The following CNTN4 variants were observed in gnomAD, a reference collection of about 807,000 sequenced individuals.
CNTN4 encodes contactin-4.
CNTN4 carries 77 observed loss-of-function variants against 122.5 expected under a neutral mutation model. That is an observed-to-expected ratio of 0.63 (90% CI 0.52 to 0.76). The LOEUF (loss-of-function observed/expected upper bound fraction) is 0.76, where lower values mean the gene tolerates loss of function less well. Ranked by LOEUF, CNTN4 falls within the 30% of genes least tolerant of loss-of-function variation. CNTN4 has a pLI of 0.00. For synonymous variants in CNTN4, 512 were observed against 447.0 expected, an observed-to-expected ratio of 1.15 and a Z score of -1.83; for missense variants, 1,256 against 1,259.1, an observed-to-expected ratio of 1.00 and a Z score of 0.04.
intron 10 of CNTN4, among the ~76,000 whole-genome samples, chr3:2,892,769 G>A (rs939570619): frequency 6.6e-6 from 1 of 152,176 alleles, no homozygotes; most frequent in Non-Finnish European, 1.5e-5. Flanking sequence ...TCTAATATTT[G>A]AGCAGTAAAC....
chr3:3,037,328 C>A lies in CNTN4; in HGVS notation c.2092C>A (p.Leu698Ile). ...AGAGAAACGGAGAACAGAAGAAGCT[C>A]GTGAGTAGCACCCGAGATTCAGATC... ...PSEKRRTEEA[L>I]PEVTPANVSG... is the part of the protein sequence containing the mutation. Residue 698 changes from leucine (L) to isoleucine (I), a missense_variant and splice_region_variant, in exon 18 of 25, where the codon CTC becomes ATC. Coordinates refer to ENST00000418658, the MANE Select transcript of CNTN4 (RefSeq NM_175607.3). The A allele has an allele frequency of 6.2e-7, 1 of 1,614,090 alleles. No homozygotes were observed. Among genetic ancestry groups the A allele is most frequent in the Non-Finnish European group, 8.5e-7 (1 of 1,179,998 alleles).
At chr3:2,786,405 C>A (rs1427875827) in intron 6 of CNTN4, among the ~76,000 whole-genome samples, 1 of 152,218 alleles carries the variant, frequency 6.6e-6, no homozygotes, top group African/African-American at 2.4e-5. Context: ...TTGCTCCTGC[C>A]AGTTGCCCAG....
intron 2 of CNTN4, among the ~76,000 whole-genome samples, chr3:2,121,258 G>T (rs1172499507): frequency 1.3e-5 from 2 of 152,182 alleles, no homozygotes; most frequent in Non-Finnish European, 2.9e-5. Flanking sequence ...CCAGCACTCT[G>T]GGAGGCCGAG....
chr3:2,944,910 C>T (rs910831711), intron 13 of CNTN4, among the ~76,000 whole-genome samples: 54 of 152,308 alleles, frequency 3.5e-4, no homozygotes, highest in African/African-American at 1.3e-3. Flanking sequence ...GCTAGTCCCA[C>T]TGAGAGCTCT....
intron 2 of CNTN4, among the ~76,000 whole-genome samples, chr3:2,224,252 G>A (rs998754982): frequency 6.6e-6 from 1 of 152,160 alleles, no homozygotes; most frequent in African/African-American, 2.4e-5. Flanking sequence ...TTCGGGTGGT[G>A]TGTCCTGAGC....
At chr3:2,926,644 A>T (rs370330571) in intron 13 of CNTN4, among the ~76,000 whole-genome samples, 12 of 152,202 alleles carry the variant, frequency 7.9e-5, no homozygotes, top group African/African-American at 2.9e-4. Context: ...GCAAGAAGGA[A>T]GCCTATAAAA....
chr3:2,422,055 G>A (rs977165569), intron 3 of CNTN4, among the ~76,000 whole-genome samples: 4 of 151,976 alleles, frequency 2.6e-5, no homozygotes, highest in South Asian at 2.1e-4. Context: ...TTATCTTTCC[G>A]TACTCAGAAA....
intron 7 of CNTN4, among the ~76,000 whole-genome samples, chr3:2,844,887 C>G (rs1373452368): frequency 6.6e-6 from 1 of 152,122 alleles, no homozygotes; most frequent in Non-Finnish European, 1.5e-5. Context: ...ATGACTGTTG[C>G]CTGTGGCAAG....
chr3:2,432,691 T>TAC (rs1184533216), intron 3 of CNTN4, among the ~76,000 whole-genome samples: 5 of 152,134 alleles, frequency 3.3e-5, no homozygotes, highest in African/African-American at 4.8e-5. Flanking sequence ...TGTATATATA[T>TAC]ACCACATTTT....
intron 2 of CNTN4, among the ~76,000 whole-genome samples, chr3:2,145,810 T>TTAC (rs2035219456): frequency 2.0e-5 from 1 of 48,866 alleles, no homozygotes; most frequent in Admixed American, 2.4e-4. Flanking sequence ...AAATATGTTA[T>TTAC]TATTATTCCC....
chr3:3,031,938 C>G (rs1328938325), intron 16 of CNTN4, among the ~76,000 whole-genome samples: 1 of 152,162 alleles, frequency 6.6e-6, no homozygotes, highest in African/African-American at 2.4e-5. Flanking sequence ...AATCTGCATG[C>G]ACAGAGAACA....
rs377146129 is a variant in CNTN4 at position 2,527,555 on chromosome 3, C to T, written c.-88-43861C>T. The stretch of plus-strand genomic sequence containing the variant: ...TGTTGAGGAGATGGGATTTTCATAT[C>T]GCCTGTTCTATCTTTGCATGCGGTG... On this transcript the variant is annotated intron_variant, in intron 3 of 24. Transcript: ENST00000418658. 1.9e-3 allele frequency among the ~76,000 whole-genome samples: 296 copies of T among 152,044 alleles called. 1 individual carries two copies. Among genetic ancestry groups the T allele is most frequent in the Non-Finnish European group, 3.4e-3 (229 of 68,006 alleles).
chr3:2,794,173 C>T (rs1462688450), intron 6 of CNTN4, among the ~76,000 whole-genome samples: 2 of 152,042 alleles, frequency 1.3e-5, no homozygotes, highest in African/African-American at 4.8e-5. Flanking sequence ...AGATTCTGAG[C>T]CTCAAAGATA....
rs2091603024 is a variant in CNTN4, at chr3:2,781,912, A to G, written c.358+36215A>G. Among the ~76,000 whole-genome samples, 2 of 112,716 alleles carry G rather than the reference A, an allele frequency of 1.8e-5. 1 individual carries two copies. The highest frequency in any genetic ancestry group is 5.8e-4 in the South Asian group (2 of 3,474). The allele number at this position is 112,716 out of a possible 152,430, so 73.9% of individuals were successfully genotyped here. A position where few individuals can be genotyped will look rare whatever the true frequency, so the allele number is the denominator to read the frequency against. ...CTAATTTTTTGTATTTTTAGTAGAG[A>G]CGGGGCTTCACCGTGTTAGCCAGGA... is the stretch of plus-strand genomic sequence containing the variant. On this transcript the variant is annotated intron_variant, in intron 6 of 24. Transcript: ENST00000418658.
chr3:2,551,298 T>C (rs908733995), intron 3 of CNTN4, among the ~76,000 whole-genome samples: 1 of 152,054 alleles, frequency 6.6e-6, no homozygotes, highest in African/African-American at 2.4e-5. Context: ...TAGAGAAGAA[T>C]GTCAGCTCAA....
chr3:2,794,119 T>G (rs2092096286), intron 6 of CNTN4, among the ~76,000 whole-genome samples: 1 of 152,190 alleles, frequency 6.6e-6, no homozygotes, highest in South Asian at 2.1e-4. Flanking sequence ...TCATCTCTTT[T>G]AATAGTTTGG....
intron 2 of CNTN4, among the ~76,000 whole-genome samples, chr3:2,298,449 CA>C (rs1455990987): frequency 6.6e-6 from 1 of 152,002 alleles, no homozygotes; most frequent in East Asian, 1.9e-4. Flanking sequence ...AATAGTTTCC[CA>C]ATTGCATTCT....
At chr3:2,578,095 C>T (rs964103204) in intron 4 of CNTN4, among the ~76,000 whole-genome samples, 5 of 152,000 alleles carry the variant, frequency 3.3e-5, no homozygotes, top group Non-Finnish European at 7.4e-5. Context: ...AAGGAAGACC[C>T]CTGGATTGAA....
intron 13 of CNTN4, chr3:2,927,622 G>T: frequency 6.1e-6 from 1 of 164,712 alleles, no homozygotes. Context: ...TTACCTTTGG[G>T]GAAATAGTAT....
Sources: gnomAD v4.1 joint callset for allele counts (sites outside exome capture counted in the v4.1 genomes callset) on GRCh38, gnomAD v4.1.1 for gene constraint, MANE v1.5 for transcripts, NCBI Gene and HGNC (gene_info 2026-07-23, HGNC 2026-07-21) for gene names.